Variants in THEMIS2 observed in about 807,000 individuals in gnomAD.
THEMIS2 encodes the protein protein THEMIS2.
THEMIS2 carries 29 observed loss-of-function variants against 46.8 expected under a neutral mutation model. That is an observed-to-expected ratio of 0.62 (90% CI 0.46 to 0.84). The LOEUF is 0.84. THEMIS2 is among the 40% of genes least tolerant of loss of function. THEMIS2 has a pLI of 0.00. For missense variants in THEMIS2, 698 were observed against 834.7 expected (o/e 0.84, Z 2.02); for synonymous variants, 335 against 349.1 (o/e 0.96, Z 0.45).
Position 27,872,895 on chromosome 1 carries a change from T to C in THEMIS2, c.94+230T>C, listed in dbSNP as rs1210918364. Among the ~76,000 whole-genome samples the C allele has an allele frequency of 1.3e-5, 2 of 152,010 alleles. No homozygotes were observed. Among genetic ancestry groups the C allele is most frequent in the Admixed American group, 1.3e-4 (2 of 15,258 alleles). On this transcript the variant is annotated intron_variant, in intron 1 of 5. Coordinates refer to ENST00000373921, the MANE Select transcript of THEMIS2 (RefSeq NM_001105556.3). The surrounding 1 kb of genome is among the most constrained non-coding windows in gnomAD (Gnocchi z 4.9). The stretch of plus-strand genomic sequence containing the variant: ...CCGCAGGGTAGTGATGAAAAGTCAG[T>C]GGGTTGAGGCGCGGGAGGTGGATGC...
chr1:27,874,208 T>C (rs1321253874), intron 1 of THEMIS2, among the ~76,000 whole-genome samples: 2 of 151,398 alleles, frequency 1.3e-5, no homozygotes, highest in Admixed American at 6.6e-5. Context: ...CTAATTTTTG[T>C]ATTTTTTGTA....
chr1:27,876,067 C>G (rs750119211), intron 1 of THEMIS2, among the ~76,000 whole-genome samples: 2 of 151,912 alleles, frequency 1.3e-5, no homozygotes, highest in African/African-American at 4.8e-5. Context: ...TGTCAGTGCC[C>G]CTCTATTTTC....
chr1:27,879,399 G>A (rs1013006259), intron 2 of THEMIS2, among the ~76,000 whole-genome samples: 1 of 152,054 alleles, frequency 6.6e-6, no homozygotes, highest in Non-Finnish European at 1.5e-5. Context: ...CTGTGTCTCT[G>A]GTGACAAGTC....
chr1:27,872,942 C>A lies in THEMIS2; in HGVS notation c.94+277C>A, dbSNP rs145391954. On this transcript the variant is annotated intron_variant, in intron 1 of 5. Transcript: ENST00000373921. This position sits in a 1 kb window ranked among gnomAD's most constrained non-coding sequence, Gnocchi z 4.9. ...ATGCAGCCGGGCCACTCCTAGGTGG[C>A]CCCGCGGTGCGCATGGGACAGAGCT... is the stretch of plus-strand genomic sequence containing the variant. Among the ~76,000 whole-genome samples, 2 of 152,278 alleles carry A rather than the reference C, an allele frequency of 1.3e-5. No individual in the cohort carries two copies. Among genetic ancestry groups the A allele is most frequent in the East Asian group, 3.9e-4 (2 of 5,164 alleles).
intron 4 of THEMIS2, chr1:27,883,380 C>T (rs998035823): frequency 4.1e-6 from 1 of 245,624 alleles, no homozygotes; most frequent in Non-Finnish European, 7.9e-6. Flanking sequence ...CTCCCTAGTT[C>T]GAGCCTCATC....
Position 27,872,840 on chromosome 1 carries a change from CT to C in THEMIS2, c.94+178del, listed in dbSNP as rs1323888926. ...CAACCTCTTTGGACCTCGGCTTTTG[CT>C]TTCGTGGAACGGGGACCGCTGACCT... On this transcript the variant is annotated intron_variant, in intron 1 of 5. Coordinates refer to ENST00000373921, the MANE Select transcript of THEMIS2 (RefSeq NM_001105556.3). The surrounding 1 kb of genome is among the most constrained non-coding windows in gnomAD (Gnocchi z 4.9). 1.3e-5 allele frequency among the ~76,000 whole-genome samples: 2 copies of C among 152,216 alleles called. No individual in the cohort carries two copies. The highest frequency in any genetic ancestry group is 2.9e-5 in the Non-Finnish European group (2 of 68,030).
intron 2 of THEMIS2, among the ~76,000 whole-genome samples, chr1:27,878,464 C>T (rs373672698): frequency 4.0e-5 from 6 of 150,236 alleles, no homozygotes; most frequent in African/African-American, 7.4e-5. Flanking sequence ...GCATTACAGG[C>T]GTGAGCCAGT....
intron 2 of THEMIS2, 71 bp downstream of exon 2, chr1:27,876,799 C>T: frequency 1.9e-6 from 3 of 1,555,614 alleles, no homozygotes; most frequent in Non-Finnish European, 2.6e-6. Context: ...TGCTCGTGGG[C>T]TTGCCACGTC....
chr1:27,885,781 C>A, intron 5 of THEMIS2, 86 bp from the exon 6 acceptor site: 1 of 1,359,152 alleles, frequency 7.4e-7, no homozygotes. Flanking sequence ...CCACCTCTTT[C>A]CCTGCACAGA....
intron 4 of THEMIS2, 36 bp downstream of exon 4, chr1:27,883,079 C>T (rs1043883588): frequency 1.3e-6 from 2 of 1,537,332 alleles, no homozygotes; most frequent in South Asian, 1.2e-5. Flanking sequence ...GGAGGGGTCA[C>T]CTATTGGGAT....
chr1:27,877,389 G>T (rs973085290), intron 2 of THEMIS2, among the ~76,000 whole-genome samples: 1 of 152,092 alleles, frequency 6.6e-6, no homozygotes, highest in Non-Finnish European at 1.5e-5. Flanking sequence ...GCAGTGGCGT[G>T]ATCTGGACTC....
intron 1 of THEMIS2, among the ~76,000 whole-genome samples, chr1:27,875,369 C>A (rs2148631733): frequency 6.6e-6 from 1 of 152,378 alleles, no homozygotes. Flanking sequence ...TAGCCCTTGG[C>A]ACAGTGCCGG....
chr1:27,879,518 G>T, intron 2 of THEMIS2, 126 bp from the exon 3 acceptor site: 1 of 829,952 alleles, frequency 1.2e-6, no homozygotes, highest in Non-Finnish European at 1.9e-6. Flanking sequence ...ATCTGTCATT[G>T]ACACCTGTCC....
chr1:27,885,396 G>A lies in THEMIS2; in HGVS notation c.1821G>A (p.Lys607=). ...AGGATGGCTCCAGTACGTACAGCAA[G>A]ATTCCTGCCCACAGGAAGGGCCACA... ...FIKDGSSTYS[K]IPAHRKGHRP... The change falls in exon 5 of 6, where the codon AAG becomes AAA. Residue 607 remains lysine (K), a synonymous_variant. Transcript: ENST00000373921. 3.7e-6 allele frequency: 6 copies of A among 1,614,204 alleles called. No homozygotes were observed. Among genetic ancestry groups the A allele is most frequent in the Non-Finnish European group, 5.1e-6 (6 of 1,180,030 alleles).
rs143326302 is a variant in THEMIS2, at chr1:27,879,706, A to G, written c.298A>G (p.Thr100Ala). The change falls in exon 3 of 6, where the codon ACA (threonine) becomes GCA (alanine). Residue 100 changes from threonine to alanine, a missense_variant. Transcript: ENST00000373921. ...AACCCTGGAGGAGCTGGTCTCTGCC[A>G]CAACTCAGAGCTCCAAGCAGCTGCC... ...YETLEELVSA[T>A]TQSSKQLPTC... 9.3e-6 allele frequency: 15 copies of G among 1,613,870 alleles called. No individual in the cohort carries two copies. In the African/African-American group the frequency reaches 1.7e-4, roughly 19 times the overall value.
intron 3 of THEMIS2, 26 bp downstream of exon 3, chr1:27,880,080 G>A (rs752531183): frequency 4.5e-5 from 70 of 1,559,088 alleles, no homozygotes; most frequent in Admixed American, 8.8e-5. Context: ...AGATGGATGC[G>A]CGCTGCTGGG....
In THEMIS2 at chr1:27,885,468, G is replaced by T. The variant is rs144780385; in HGVS notation, c.1876+17G>T. The T allele has an allele frequency of 4.3e-6, 7 of 1,610,958 alleles. No homozygotes were observed. The highest frequency in any genetic ancestry group is 5.9e-6 in the Non-Finnish European group (7 of 1,179,202). On this transcript the variant is annotated intron_variant, in intron 5 of 5. Coordinates refer to ENST00000373921, the MANE Select transcript of THEMIS2 (RefSeq NM_001105556.3). Reference sequence around the variant, plus strand: ...AGGATCTAGGTGAGTCCCTGTGGGCGCTGCTCACCCTTGTCCTTGTGTCTC... The same window carrying T: ...AGGATCTAGGTGAGTCCCTGTGGGCTCTGCTCACCCTTGTCCTTGTGTCTC...
chr1:27,876,181 C>T (rs570926452), intron 1 of THEMIS2, among the ~76,000 whole-genome samples: 1 of 147,542 alleles, frequency 6.8e-6, no homozygotes, highest in Admixed American at 6.7e-5. Flanking sequence ...CTAAGGGAAT[C>T]CCAACTCCCT....
Position 27,882,509 on chromosome 1 carries a change from T to C in THEMIS2, c.1185T>C (p.Cys395=), listed in dbSNP as rs758085008. ...GCAGTGACGTGGATGTCTTGGTTTGTCAGCGGCTGAGTGACCAGGCTGGGG... is the reference window on the plus strand; with the variant it reads ...GCAGTGACGTGGATGTCTTGGTTTGCCAGCGGCTGAGTGACCAGGCTGGGG... ...AQGSDVDVLV[C]QRLSDQAGED... is the part of the protein sequence containing the mutation. The change falls in exon 4 of 6, where the codon TGT becomes TGC. Residue 395 remains cysteine, a synonymous_variant. Coordinates refer to ENST00000373921, the MANE Select transcript of THEMIS2 (RefSeq NM_001105556.3). The surrounding 1 kb of genome is among the most constrained non-coding windows in gnomAD (Gnocchi z 7.6). The C allele has an allele frequency of 3.7e-6, 6 of 1,613,500 alleles. No homozygotes were observed. The South Asian group carries it at 5.5e-5, about 15-fold the overall frequency.
Sources: allele counts gnomAD v4.1 joint callset (sites outside exome capture counted in the v4.1 genomes callset), GRCh38; gene constraint gnomAD v4.1.1; non-coding constraint Gnocchi (gnomAD v3.1); transcripts MANE v1.5; gene names NCBI Gene and HGNC (gene_info 2026-07-23, HGNC 2026-07-21).